WDR17: variants seen among roughly 807,000 people sequenced by gnomAD.
The protein encoded by WDR17 is WD repeat domain 17, also known as WD repeat-containing protein 17.
In WDR17, 143 loss-of-function variants were observed where a neutral mutation model predicts 161.7. That is an observed-to-expected ratio of 0.88 (90% confidence interval 0.77 to 1.02). WDR17 has a LOEUF of 1.02. Among genes scored for constraint, WDR17 ranks in the 50% least tolerant of loss-of-function variants. The pLI, the probability that WDR17 is intolerant of heterozygous loss-of-function variation, is 0.00. For missense variants in WDR17, 1,469 were observed against 1,520.9 expected (o/e 0.97, Z 0.57); for synonymous variants, 517 against 515.6 (o/e 1.00, Z -0.04).
At chr4:176,084,193 A>G (rs534068475) in intron 1 of WDR17, among the ~76,000 whole-genome samples, 157 of 152,270 alleles carry the variant, frequency 1.0e-3, no homozygotes, top group Admixed American at 3.1e-3. Context: ...ATCTATAAAG[A>G]AAAAAGATTT....
At chr4:176,096,256 A>C (rs1369031266) in intron 1 of WDR17, among the ~76,000 whole-genome samples, 1 of 152,100 alleles carries the variant, frequency 6.6e-6, no homozygotes, top group Non-Finnish European at 1.5e-5. Context: ...GTAAACAGAA[A>C]GGTTAATAAA....
At chr4:176,099,426 A>G (rs751319295) in intron 1 of WDR17, among the ~76,000 whole-genome samples, 71 of 152,092 alleles carry the variant, frequency 4.7e-4, no homozygotes, top group African/African-American at 1.6e-3. Context: ...GAACCCAGTA[A>G]TGGGGGTGGC....
intron 11 of WDR17, among the ~76,000 whole-genome samples, chr4:176,143,249 G>A (rs1268365841): frequency 6.6e-6 from 1 of 152,186 alleles, no homozygotes; most frequent in Non-Finnish European, 1.5e-5. Flanking sequence ...CCATCTCAGT[G>A]GCCAATATTG....
At chr4:176,175,759 C>A (rs1751355272) in intron 26 of WDR17, among the ~76,000 whole-genome samples, 1 of 152,028 alleles carries the variant, frequency 6.6e-6, no homozygotes, top group South Asian at 2.1e-4. Flanking sequence ...CGGGGTTTCA[C>A]CATGTTAGCC....
At chr4:176,163,023 A>T in intron 21 of WDR17, 131 bp from the exon 22 acceptor site, 2 of 1,152,274 alleles carry the variant, frequency 1.7e-6, no homozygotes, top group Non-Finnish European at 2.5e-6. Context: ...TAGGAATATT[A>T]CAGTCAATAT....
At chr4:176,136,224 A>T (rs774994987) in intron 8 of WDR17, among the ~76,000 whole-genome samples, 1 of 151,642 alleles carries the variant, frequency 6.6e-6, no homozygotes, top group Non-Finnish European at 1.5e-5. Context: ...TTTTACTTAC[A>T]ACTCTTAATG....
chr4:176,073,382 G>C (rs1257129359), intron 1 of WDR17, among the ~76,000 whole-genome samples: 2 of 152,024 alleles, frequency 1.3e-5, no homozygotes, highest in African/African-American at 4.8e-5. Context: ...GCGATAGTTT[G>C]CTGAGAATGA....
At chr4:176,166,076 G>A (rs1487868136) in intron 22 of WDR17, 2 of 1,009,208 alleles carry the variant, frequency 2.0e-6, no homozygotes, top group Non-Finnish European at 1.4e-6. Context: ...GTTTCTTTGT[G>A]GTATTCATCG....
intron 11 of WDR17, among the ~76,000 whole-genome samples, chr4:176,145,571 G>T (rs1011045431): frequency 2.0e-5 from 3 of 152,098 alleles, no homozygotes; most frequent in Non-Finnish European, 4.4e-5. Context: ...ATGGGCTAAG[G>T]CATGTAATAA....
intron 7 of WDR17, among the ~76,000 whole-genome samples, chr4:176,133,412 T>G (rs1227992759): frequency 6.8e-6 from 1 of 146,234 alleles, no homozygotes; most frequent in Non-Finnish European, 1.5e-5. Context: ...AAAGTTGTGT[T>G]AGTAGAAGAG....
chr4:176,127,447 C>G (rs187428126), intron 5 of WDR17, among the ~76,000 whole-genome samples: 1 of 151,966 alleles, frequency 6.6e-6, no homozygotes, highest in Non-Finnish European at 1.5e-5. Context: ...TGGTGCATGC[C>G]ACCATACCTG....
intron 11 of WDR17, 102 bp downstream of exon 11, chr4:176,142,171 A>G (rs1000490591): frequency 8.8e-6 from 7 of 795,974 alleles, no homozygotes; most frequent in African/African-American, 6.9e-5. Flanking sequence ...CTATCACTCT[A>G]TTTATACAAT....
intron 23 of WDR17, 32 bp from the exon 24 acceptor site, chr4:176,172,343 G>A: frequency 1.3e-6 from 2 of 1,588,658 alleles, no homozygotes; most frequent in African/African-American, 1.4e-5. Context: ...TTGAATTTTA[G>A]TAACATTGTT....
intron 1 of WDR17, among the ~76,000 whole-genome samples, chr4:176,069,373 T>C (rs1467687612): frequency 1.3e-5 from 2 of 152,088 alleles, no homozygotes; most frequent in African/African-American, 4.8e-5. Flanking sequence ...AAAAATGTAC[T>C]GTAGAAATAG....
intron 5 of WDR17, among the ~76,000 whole-genome samples, chr4:176,127,098 C>T (rs1742570846): frequency 6.6e-6 from 1 of 152,096 alleles, no homozygotes; most frequent in Admixed American, 6.5e-5. Flanking sequence ...AGAAAATATG[C>T]ATAGGTTATA....
At position 176,163,184 on chromosome 4, in the gene WDR17, G is replaced by A. The variant is rs1749293681; in HGVS notation, c.2881G>A (p.Glu961Lys). The A allele has an allele frequency of 1.2e-6, 2 of 1,614,014 alleles. No homozygotes were observed. The highest frequency in any genetic ancestry group is 1.7e-6 in the Non-Finnish European group (2 of 1,180,008). ...LAMAYLIRGN[E>K]LELAVCVGTV... The stretch of plus-strand genomic sequence containing the variant: ...TATGGCATACCTGATTCGCGGAAAT[G>A]AACTGGAGTTGGCAGTCTGTGTGGG... Residue 961 changes from glutamate (E) to lysine (K), a missense_variant, in exon 22 of 29, where the codon GAA becomes AAA. Glu to Lys is a moderately conservative substitution (Grantham distance 56). Transcript: ENST00000508596.
chr4:176,068,907 T>C (rs937242776), intron 1 of WDR17, among the ~76,000 whole-genome samples: 2 of 152,190 alleles, frequency 1.3e-5, no homozygotes, highest in Non-Finnish European at 2.9e-5. Context: ...ATTTTTCTTA[T>C]TTGAGTTTAC....
In WDR17 at chr4:176,163,656, T is replaced by A. The variant is rs1749376153; in HGVS notation, c.2990+363T>A. ...TTTCTTGTCAGATCTTGTGTCCTAT[T>A]TTAAATTTGTACAATAAAGTCACTT... On this transcript the variant is annotated intron_variant, in intron 22 of 28. Transcript: ENST00000508596. Among the ~76,000 whole-genome samples, 8 of 152,326 alleles carry A rather than the reference T, an allele frequency of 5.3e-5. No homozygotes were observed. The South Asian group carries it at 1.7e-3, about 32-fold the overall frequency.
intron 1 of WDR17, among the ~76,000 whole-genome samples, chr4:176,073,273 GTCCCCAGAGTGTGATGT>G (rs1733480726): frequency 6.6e-6 from 1 of 152,036 alleles, no homozygotes; most frequent in Admixed American, 6.6e-5. Flanking sequence ...CCCTACAACA[GTCCCCAGAGTGTGATGT>G]TCCCCTTACT....
Sources: allele counts gnomAD v4.1 joint callset (sites outside exome capture counted in the v4.1 genomes callset), GRCh38; gene constraint gnomAD v4.1.1; transcripts MANE v1.5; gene names NCBI Gene and HGNC (gene_info 2026-07-23, HGNC 2026-07-21).